Variants in ADAMTS19 observed in about 807,000 individuals in gnomAD.
The protein encoded by ADAMTS19 is A disintegrin and metalloproteinase with thrombospondin motifs 19.
Under a neutral mutation model 153.3 loss-of-function variants are expected in ADAMTS19, and 93 were observed. That is an observed-to-expected ratio of 0.61 (90% CI 0.51 to 0.72). The LOEUF (loss-of-function observed/expected upper bound fraction) is 0.72, where lower values mean the gene tolerates loss of function less well. Among genes scored for constraint, ADAMTS19 ranks in the 30% least tolerant of loss-of-function variants. The pLI is 0.00. For missense variants in ADAMTS19, 1,482 were observed against 1,552.1 expected, an observed-to-expected ratio of 0.95 and a Z score of 0.76; for synonymous variants, 600 against 556.6, an observed-to-expected ratio of 1.08 and a Z score of -1.10.
chr5:129,489,130 TATC>T (rs1371938008), intron 2 of ADAMTS19, among the ~76,000 whole-genome samples: 1 of 152,168 alleles, frequency 6.6e-6, no homozygotes, highest in African/African-American at 2.4e-5. Flanking sequence ...CTAGGAATCA[TATC>T]ATCAGTTGTG....
At chr5:129,716,072 T>C (rs1033416197) in intron 21 of ADAMTS19, among the ~76,000 whole-genome samples, 1 of 152,114 alleles carries the variant, frequency 6.6e-6, no homozygotes, top group African/African-American at 2.4e-5. Flanking sequence ...AAATATTCCA[T>C]GTGATGGGGA....
At chr5:129,535,084 A>G (rs1188695724) in intron 6 of ADAMTS19, among the ~76,000 whole-genome samples, 2 of 152,180 alleles carry the variant, frequency 1.3e-5, no homozygotes, top group East Asian at 3.9e-4. Flanking sequence ...CAGGAGAAGG[A>G]AATAAAGGGC....
At chr5:129,635,661 G>A (rs923127007) in intron 10 of ADAMTS19, among the ~76,000 whole-genome samples, 20 of 152,158 alleles carry the variant, frequency 1.3e-4, no homozygotes, top group African/African-American at 3.4e-4. Context: ...ACAGAAAACC[G>A]AATACCACAT....
Position 129,577,888 on chromosome 5 carries a change from G to C in ADAMTS19, c.1373-18671G>C, listed in dbSNP as rs565583235. ...TCTTTTATCCTTGATAGATTTACCA[G>C]GGAATTGTTCATGTTTTTGCCAACT... On this transcript the variant is annotated intron_variant, in intron 7 of 22. Coordinates refer to ENST00000274487, the MANE Select transcript of ADAMTS19 (RefSeq NM_133638.6). 2.8e-4 allele frequency among the ~76,000 whole-genome samples: 43 copies of C among 151,756 alleles called. No individual in the cohort carries two copies. The South Asian group carries it at 4.8e-3, about 17-fold the overall frequency.
intron 21 of ADAMTS19, among the ~76,000 whole-genome samples, chr5:129,726,354 G>C (rs1280808166): frequency 1.3e-5 from 2 of 152,128 alleles, no homozygotes; most frequent in African/African-American, 4.8e-5. Flanking sequence ...TCAATAGCAA[G>C]TTATCTGGTA....
At chr5:129,689,182 G>GA (rs1053751608) in intron 18 of ADAMTS19, among the ~76,000 whole-genome samples, 1 of 151,810 alleles carries the variant, frequency 6.6e-6, no homozygotes, top group South Asian at 2.1e-4. Flanking sequence ...TACTTTGAAG[G>GA]AAAAAAAATA....
chr5:129,530,346 A>C (rs1179229252), intron 6 of ADAMTS19, among the ~76,000 whole-genome samples: 1 of 152,172 alleles, frequency 6.6e-6, no homozygotes, highest in African/African-American at 2.4e-5. Flanking sequence ...ATTTGAAGAC[A>C]TAATGGCAAA....
chr5:129,529,562 G>A (rs184807271), intron 6 of ADAMTS19, among the ~76,000 whole-genome samples: 3 of 152,224 alleles, frequency 2.0e-5, no homozygotes, highest in African/African-American at 7.2e-5. Context: ...TTAGTCATTG[G>A]AGAATGAACA....
At chr5:129,659,614 T>C (rs1753736885) in intron 15 of ADAMTS19, among the ~76,000 whole-genome samples, 1 of 152,168 alleles carries the variant, frequency 6.6e-6, no homozygotes, top group African/African-American at 2.4e-5. Context: ...TGAGAGAGTG[T>C]TACTCTGTTG....
intron 7 of ADAMTS19, among the ~76,000 whole-genome samples, chr5:129,578,608 T>C (rs935370520): frequency 5.9e-5 from 9 of 151,708 alleles, no homozygotes; most frequent in African/African-American, 2.2e-4. Flanking sequence ...CCCCACCCCT[T>C]GAAGGCCCTG....
intron 8 of ADAMTS19, among the ~76,000 whole-genome samples, chr5:129,604,987 T>A (rs972297062): frequency 6.6e-6 from 1 of 152,174 alleles, no homozygotes; most frequent in African/African-American, 2.4e-5. Flanking sequence ...TTTCTCATAG[T>A]CCACATTCAG....
chr5:129,482,152 G>A lies in ADAMTS19; in HGVS notation c.747+20395G>A, dbSNP rs969275996. Among the ~76,000 whole-genome samples, 3 of 152,134 alleles carry A rather than the reference G, an allele frequency of 2.0e-5. 1 individual carries two copies. The highest frequency in any genetic ancestry group is 4.4e-5 in the Non-Finnish European group (3 of 68,030). On this transcript the variant is annotated intron_variant, in intron 2 of 22. Transcript: ENST00000274487. ...TGTTTGAAAATACAATATATTGGAA[G>A]ACCTCAGCCTTCTAGTACTTCATTT...
chr5:129,638,578 C>T (rs1581172906), intron 10 of ADAMTS19, among the ~76,000 whole-genome samples: 1 of 102,226 alleles, frequency 9.8e-6, no homozygotes, highest in Non-Finnish European at 2.0e-5. Context: ...CACACACATA[C>T]ACACACACAC....
intron 6 of ADAMTS19, 143 bp downstream of exon 6, chr5:129,528,820 C>T: frequency 1.7e-6 from 1 of 596,730 alleles, no homozygotes; most frequent in Non-Finnish European, 2.7e-6. Flanking sequence ...AGTCATCTCC[C>T]TCAAATCATA....
Position 129,460,455 on chromosome 5 carries a change from G to C in ADAMTS19, c.64G>C (p.Gly22Arg), listed in dbSNP as rs1749608424. 6.2e-7 allele frequency: 1 copy of C among 1,614,004 alleles called. No individual in the cohort carries two copies. The highest frequency in any genetic ancestry group is 1.3e-5 in the African/African-American group (1 of 74,912). ...ICCCCLLYQL[G>R]FLSNGIVSEL... ...CTGCTGCTGCCTCCTTTACCAGCTG[G>C]GGTTCCTGTCGAATGGGATCGTTTC... is the stretch of plus-strand genomic sequence containing the variant. The change falls in exon 1 of 23, where the codon GGG becomes CGG. Residue 22 changes from glycine (G) to arginine (R), a missense_variant. By Grantham distance (125) the Gly-to-Arg change is moderately radical. Transcript: ENST00000274487.
intron 13 of ADAMTS19, among the ~76,000 whole-genome samples, chr5:129,651,464 A>G (rs1252542125): frequency 2.0e-5 from 3 of 152,038 alleles, no homozygotes; most frequent in African/African-American, 7.2e-5. Context: ...CCTCATTTCC[A>G]TCATTCTCTT....
chr5:129,520,841 A>T (rs1472180897), intron 3 of ADAMTS19, among the ~76,000 whole-genome samples: 1 of 152,160 alleles, frequency 6.6e-6, no homozygotes, highest in Non-Finnish European at 1.5e-5. Context: ...CTCATCGCTC[A>T]GGACCCTAAG....
intron 3 of ADAMTS19, among the ~76,000 whole-genome samples, chr5:129,523,070 G>T (rs993642144): frequency 6.9e-6 from 1 of 143,930 alleles, no homozygotes; most frequent in Non-Finnish European, 1.5e-5. Context: ...AAAAAAAAAA[G>T]AATCCAAGAG....
intron 6 of ADAMTS19, among the ~76,000 whole-genome samples, chr5:129,541,398 C>A (rs1752649179): frequency 6.6e-6 from 1 of 151,866 alleles, no homozygotes; most frequent in East Asian, 1.9e-4. Flanking sequence ...TTAGAAAAAT[C>A]ACCCCAAATC....
Sources: allele counts gnomAD v4.1 joint callset (sites outside exome capture counted in the v4.1 genomes callset), GRCh38; gene constraint gnomAD v4.1.1; transcripts MANE v1.5; gene names NCBI Gene and HGNC (gene_info 2026-07-23, HGNC 2026-07-21).